The following RTTN variants were observed in gnomAD, a reference collection of about 807,000 sequenced individuals.
RTTN encodes rotatin.
In RTTN, 182 loss-of-function variants were observed where a neutral mutation model predicts 269.2. The observed-to-expected ratio is 0.68, with a 90% CI of 0.60 to 0.76. The LOEUF is 0.76. Ranked by LOEUF, RTTN falls within the 30% of genes least tolerant of loss-of-function variation. The probability of loss-of-function intolerance (pLI) is 0.00; values close to 1 mark genes in which losing one functional copy is unlikely to be tolerated. For synonymous variants in RTTN, 1,006 were observed against 963.5 expected (o/e 1.04, Z -0.82); for missense variants, 2,545 against 2,608.6 (o/e 0.98, Z 0.53).
chr18:70,193,069 T>C (rs1439361770), intron 8 of RTTN: 2 of 487,668 alleles, frequency 4.1e-6, no homozygotes, highest in African/African-American at 2.0e-5. Flanking sequence ...GTTCAAGTAC[T>C]GAGCACTGAG....
At chr18:70,086,524 C>A in intron 32 of RTTN, 89 bp downstream of exon 32, 1 of 1,029,864 alleles carries the variant, frequency 9.7e-7, no homozygotes, top group South Asian at 1.4e-5. Flanking sequence ...ATAGTTTCAT[C>A]AATAATGAAA....
chr18:70,144,488 C>T (rs949658300), intron 18 of RTTN, among the ~76,000 whole-genome samples: 1 of 152,134 alleles, frequency 6.6e-6, no homozygotes, highest in African/African-American at 2.4e-5. Context: ...GTGGCAAAAC[C>T]AGCATCAGGA....
At chr18:70,133,738 G>A (rs887634413) in intron 23 of RTTN, among the ~76,000 whole-genome samples, 3 of 152,046 alleles carry the variant, frequency 2.0e-5, no homozygotes, top group Non-Finnish European at 2.9e-5. Context: ...GCACAAAAAG[G>A]GTTTCCGGTC....
chr18:70,047,076 G>C (rs1192641298), intron 40 of RTTN, among the ~76,000 whole-genome samples: 1 of 152,172 alleles, frequency 6.6e-6, no homozygotes, highest in African/African-American at 2.4e-5. Context: ...AAGCAACAAA[G>C]GGACTATAAC....
chr18:70,071,505 C>G (rs2058294216), intron 34 of RTTN, among the ~76,000 whole-genome samples: 1 of 152,132 alleles, frequency 6.6e-6, no homozygotes, highest in African/African-American at 2.4e-5. Flanking sequence ...AGCTATCCAT[C>G]TTGGATATAA....
At chr18:70,093,332 TA>T (rs1568366013) in intron 28 of RTTN, among the ~76,000 whole-genome samples, 1 of 152,060 alleles carries the variant, frequency 6.6e-6, no homozygotes, top group African/African-American at 2.4e-5. Flanking sequence ...ATAATATTTT[TA>T]AAAATGTTAT....
rs189521794 is a variant in RTTN, at chr18:70,081,760, A to C, written c.4374+4853T>G. The stretch of plus-strand genomic sequence containing the variant: ...TGTGTATTCCTGAGCTGGATCTTGG[A>C]TCCAGGATTGGATTTTTTTTTCTTT... On this transcript the variant is annotated intron_variant, in intron 32 of 48. Transcript: ENST00000640769. 3.3e-3 allele frequency among the ~76,000 whole-genome samples: 510 copies of C among 152,262 alleles called. 11 individuals carry two copies. Among genetic ancestry groups the C allele is most frequent in the Admixed American group, 0.028 (425 of 15,272 alleles).
chr18:70,036,417 C>T (rs868446512), intron 40 of RTTN, among the ~76,000 whole-genome samples: 5 of 152,142 alleles, frequency 3.3e-5, no homozygotes, highest in African/African-American at 1.2e-4. Flanking sequence ...AGCTCGAGGC[C>T]ATGATCCTTA....
intron 45 of RTTN, among the ~76,000 whole-genome samples, chr18:70,018,832 T>C (rs2056618881): frequency 7.0e-6 from 1 of 143,728 alleles, no homozygotes; most frequent in East Asian, 2.0e-4. Context: ...ACTCCTTTTT[T>C]TTTTTTTTTT....
chr18:70,092,952 A>C (rs2058891638), intron 28 of RTTN, 148 bp from the exon 29 acceptor site: 1 of 649,162 alleles, frequency 1.5e-6, no homozygotes, highest in Admixed American at 3.5e-5. Context: ...AAAATGAATA[A>C]GATGGTAAAT....
chr18:70,035,029 G>GGA, intron 40 of RTTN, among the ~76,000 whole-genome samples: 1 of 152,204 alleles, frequency 6.6e-6, no homozygotes, highest in African/African-American at 2.4e-5. Context: ...ATCTCTACAA[G>GGA]GAGAAATACA....
intron 37 of RTTN, among the ~76,000 whole-genome samples, chr18:70,055,524 T>C (rs11876150): frequency 0.75 from 113,507 of 152,038 alleles, 49,530 homozygotes; most frequent in East Asian, 1. Flanking sequence ...TATATAAAAG[T>C]GTAGGTGGCT....
chr18:70,046,814 G>T (rs943277055), intron 40 of RTTN, among the ~76,000 whole-genome samples: 3 of 152,176 alleles, frequency 2.0e-5, no homozygotes, highest in Admixed American at 2.0e-4. Context: ...GCCTTAACAG[G>T]CTTCTTATCT....
chr18:70,039,656 C>A, intron 40 of RTTN, among the ~76,000 whole-genome samples: 1 of 152,228 alleles, frequency 6.6e-6, no homozygotes, highest in African/African-American at 2.4e-5. Flanking sequence ...CGCAGAAAAA[C>A]AGAGACTATT....
chr18:70,164,661 G>T (rs1229564581), intron 14 of RTTN, among the ~76,000 whole-genome samples: 2 of 151,978 alleles, frequency 1.3e-5, no homozygotes, highest in Non-Finnish European at 2.9e-5. Flanking sequence ...ATGAAAGAAG[G>T]CTTAAAAGAC....
At chr18:70,184,021 GCCTCCCAAAGTGCTTCAGAAC>G (rs1215643413) in intron 10 of RTTN, among the ~76,000 whole-genome samples, 1 of 152,060 alleles carries the variant, frequency 6.6e-6, no homozygotes, top group Non-Finnish European at 1.5e-5. Context: ...TCCCATGCTG[GCCTCCCAAAGTGCTTCAGAAC>G]CCTCCCAAAG....
At chr18:70,112,606 A>G (rs1446396961) in intron 27 of RTTN, among the ~76,000 whole-genome samples, 1 of 152,186 alleles carries the variant, frequency 6.6e-6, no homozygotes, top group African/African-American at 2.4e-5. Flanking sequence ...CAATACAGCA[A>G]GAAGAGCTAA....
At chr18:70,103,181 G>T (rs1295333342) in intron 28 of RTTN, among the ~76,000 whole-genome samples, 1 of 152,076 alleles carries the variant, frequency 6.6e-6, no homozygotes, top group African/African-American at 2.4e-5. Flanking sequence ...GAAGTGAGGA[G>T]CGCCTCTGCC....
chr18:70,045,238 G>A (rs982134514), intron 40 of RTTN, among the ~76,000 whole-genome samples: 2 of 152,194 alleles, frequency 1.3e-5, no homozygotes, highest in Non-Finnish European at 2.9e-5. Context: ...TTCCAATACA[G>A]TGATTTGTTA....
Sources: gnomAD v4.1 joint callset for allele counts (sites outside exome capture counted in the v4.1 genomes callset) on GRCh38, gnomAD v4.1.1 for gene constraint, MANE v1.5 for transcripts, NCBI Gene and HGNC (gene_info 2026-07-23, HGNC 2026-07-21) for gene names.